FRMD6: variants seen among roughly 807,000 people sequenced by gnomAD.
The protein encoded by FRMD6 is FERM domain containing 6, also known as FERM domain-containing protein 6.
In FRMD6, 37 loss-of-function variants were observed where a neutral mutation model predicts 73.2. That is an observed-to-expected ratio of 0.51 (90% CI 0.39 to 0.66). The LOEUF (loss-of-function observed/expected upper bound fraction) is 0.66, where lower values mean the gene tolerates loss of function less well. Among genes scored for constraint, FRMD6 ranks in the 30% least tolerant of loss-of-function variants. The pLI is 0.00. For missense variants in FRMD6, 714 were observed against 780.5 expected (o/e 0.91, Z 1.02); for synonymous variants, 273 against 282.2 (o/e 0.97, Z 0.33).
the FRMD6 span, among the ~76,000 whole-genome samples, chr14:51,417,960 G>A: frequency 1.3e-5 from 2 of 152,088 alleles, no homozygotes; most frequent in Admixed American, 1.3e-4. Flanking sequence ...TGAAGCTTGT[G>A]CATGTGTCAT....
Position 51,725,760 on chromosome 14 carries a change from T to C in FRMD6, c.1493-19T>C, listed in dbSNP as rs1594791897. On this transcript the variant is annotated intron_variant, in intron 12 of 13. Coordinates refer to ENST00000344768, the MANE Select transcript of FRMD6 (RefSeq NM_001267046.2). ...TAATTTGAAGTATTTATTGTTTTTA[T>C]CTCTGTGTTTTATTTCAGGGTTGAT... 8 of 1,547,958 alleles carry C rather than the reference T, an allele frequency of 5.2e-6. No homozygotes were observed. In the East Asian group the frequency reaches 1.8e-4, roughly 35 times the overall value.
At chr14:51,700,894 C>T (rs1449872586) in intron 3 of FRMD6, among the ~76,000 whole-genome samples, 162 bp from the exon 4 acceptor site, 4 of 151,966 alleles carry the variant, frequency 2.6e-5, no homozygotes, top group Non-Finnish European at 5.9e-5. Flanking sequence ...GTCTAGTTCA[C>T]AGAACCTTTT....
At chr14:51,551,425 G>T (rs1380416905) in intron 1 of FRMD6, among the ~76,000 whole-genome samples, 1 of 152,150 alleles carries the variant, frequency 6.6e-6, no homozygotes, top group African/African-American at 2.4e-5. Flanking sequence ...TTGTCACCTT[G>T]GTGGATAGCC....
At chr14:51,583,739 T>C (rs928271675) in intron 2 of FRMD6, among the ~76,000 whole-genome samples, 1 of 152,196 alleles carries the variant, frequency 6.6e-6, no homozygotes, top group Non-Finnish European at 1.5e-5. Context: ...GTGTATACAC[T>C]TTCTGAAGAA....
At chr14:51,542,746 G>T (rs528366673) in intron 1 of FRMD6, among the ~76,000 whole-genome samples, 3 of 152,132 alleles carry the variant, frequency 2.0e-5, no homozygotes, top group Admixed American at 2.0e-4. Flanking sequence ...CAGCAATGTG[G>T]TTCCAATTTC....
chr14:51,427,750 G>T, the FRMD6 span, among the ~76,000 whole-genome samples: 2 of 152,186 alleles, frequency 1.3e-5, no homozygotes, highest in Non-Finnish European at 2.9e-5. Flanking sequence ...CTTGTGAAAG[G>T]TAATTGTACA....
the FRMD6 span, among the ~76,000 whole-genome samples, chr14:51,446,445 GACAC>G: frequency 7.2e-6 from 1 of 139,118 alleles, no homozygotes; most frequent in Non-Finnish European, 1.5e-5. Flanking sequence ...CTCTTGTGTA[GACAC>G]ACACACACAC....
the FRMD6 span, among the ~76,000 whole-genome samples, chr14:51,426,431 T>C: frequency 6.6e-6 from 1 of 152,286 alleles, no homozygotes; most frequent in Admixed American, 6.5e-5. Context: ...TACTTTTGTC[T>C]GTGTTCACTT....
chr14:51,665,947 C>T (rs1385482408), intron 1 of FRMD6, among the ~76,000 whole-genome samples: 1 of 152,186 alleles, frequency 6.6e-6, no homozygotes, highest in Non-Finnish European at 1.5e-5. Context: ...AACTGTAAGT[C>T]CAATAAACCT....
chr14:51,602,351 C>T (rs1890073162), intron 2 of FRMD6, among the ~76,000 whole-genome samples: 1 of 152,034 alleles, frequency 6.6e-6, no homozygotes. Flanking sequence ...TGGCTAGAAA[C>T]AGATGTAGGC....
intron 2 of FRMD6, among the ~76,000 whole-genome samples, chr14:51,614,667 C>G (rs1015200524): frequency 6.6e-6 from 1 of 152,178 alleles, no homozygotes; most frequent in East Asian, 1.9e-4. Context: ...TCCTTTAAAG[C>G]AGCACCCTCT....
the FRMD6 span, among the ~76,000 whole-genome samples, chr14:51,432,336 T>C: frequency 6.6e-6 from 1 of 152,162 alleles, no homozygotes; most frequent in African/African-American, 2.4e-5. Flanking sequence ...AAGATTGATT[T>C]TTTTTTTCCT....
the FRMD6 span, chr14:51,436,550 A>G: frequency 3.0e-6 from 2 of 664,788 alleles, no homozygotes; most frequent in Admixed American, 2.3e-5. Flanking sequence ...CTGAAATCAA[A>G]TGGAAATCTG....
chr14:51,623,003 C>G (rs1349959715), intron 2 of FRMD6, among the ~76,000 whole-genome samples: 2 of 152,122 alleles, frequency 1.3e-5, no homozygotes, highest in Non-Finnish European at 2.9e-5. Context: ...CTCCTAGGCT[C>G]AAGTGATTAC....
intron 2 of FRMD6, among the ~76,000 whole-genome samples, chr14:51,693,734 G>A (rs1206852082): frequency 5.3e-5 from 8 of 152,170 alleles, no homozygotes; most frequent in Non-Finnish European, 1.5e-5. Flanking sequence ...AAGATGAAGA[G>A]TCTGAATCCC....
chr14:51,546,857 T>C (rs991801752), intron 1 of FRMD6: 10 of 152,172 alleles, frequency 6.6e-5, no homozygotes, highest in African/African-American at 2.4e-4. Flanking sequence ...ATAGTATCAC[T>C]ACAGGAACTA....
At chr14:51,573,679 GT>G (rs1474382006) in intron 2 of FRMD6, among the ~76,000 whole-genome samples, 1 of 152,144 alleles carries the variant, frequency 6.6e-6, no homozygotes, top group Non-Finnish European at 1.5e-5. Flanking sequence ...TCAAGTTATG[GT>G]GATGAAGACA....
rs1895478855 is a variant in FRMD6 at position 51,690,533 on chromosome 14, G to A, written c.99+598G>A. On this transcript the variant is annotated intron_variant, in intron 2 of 13. Transcript: ENST00000344768. ...GCCGAGTAGCTGGGATTACTGGCAC[G>A]CACCACCACGCCCGGCTAATTTTTT... Among the ~76,000 whole-genome samples the A allele has an allele frequency of 2.0e-5, 3 of 152,058 alleles. No individual in the cohort carries two copies. In the South Asian group the frequency reaches 6.2e-4, roughly 32 times the overall value.
At chr14:51,618,926 C>T (rs1890814653) in intron 2 of FRMD6, among the ~76,000 whole-genome samples, 1 of 148,936 alleles carries the variant, frequency 6.7e-6, no homozygotes, top group Non-Finnish European at 1.5e-5. Flanking sequence ...TATATAATTA[C>T]ATATATTATA....
Sources: allele counts gnomAD v4.1 joint callset (sites outside exome capture counted in the v4.1 genomes callset), GRCh38; gene constraint gnomAD v4.1.1; transcripts MANE v1.5; gene names NCBI Gene and HGNC (gene_info 2026-07-23, HGNC 2026-07-21).